TMEM220: variants seen among roughly 807,000 people sequenced by gnomAD.
TMEM220 encodes transmembrane protein 220.
Under a neutral mutation model 21.7 loss-of-function variants are expected in TMEM220, and 21 were observed. The observed-to-expected ratio is 0.97, with a 90% CI of 0.69 to 1.39. TMEM220 has a LOEUF of 1.39. TMEM220 is among the 40% of genes most tolerant of loss of function. The probability of loss-of-function intolerance (pLI) is 0.00; values close to 1 mark genes in which losing one functional copy is unlikely to be tolerated. For synonymous variants in TMEM220, 80 were observed against 73.6 expected, an observed-to-expected ratio of 1.09 and a Z score of -0.45; for missense variants, 191 against 201.9, an observed-to-expected ratio of 0.95 and a Z score of 0.33.
chr17:10,729,893 G>GCGGGGCGGTGAGTCCTGCCACGTA lies in TMEM220; in HGVS notation c.-66_-43dup, dbSNP rs2075107135. ...CGCGGGGCGGTGAGTCCTGCCACGT[G>GCGGGGCGGTGAGTCCTGCCACGTA]CGGGGCGGTGAGTCCTGCCACGTAC... On this transcript the variant is annotated 5_prime_UTR_variant, in exon 1 of 6. Transcript: ENST00000341871. 4.7e-6 allele frequency: 6 copies of GCGGGGCGGTGAGTCCTGCCACGTA among 1,279,802 alleles called. No homozygotes were observed. Among genetic ancestry groups the GCGGGGCGGTGAGTCCTGCCACGTA allele is most frequent in the Non-Finnish European group, 4.0e-6 (4 of 1,011,918 alleles). 79.3% of individuals were successfully genotyped at this position (1,279,802 alleles called of 1,614,324 possible).
rs147707524 is a variant in TMEM220, at chr17:10,723,993, T to C, written c.288-664A>G. Among the ~76,000 whole-genome samples the C allele has an allele frequency of 6.7e-3, 1,015 of 152,308 alleles. 7 individuals carry two copies. The highest frequency in any genetic ancestry group is 0.016 in the South Asian group (78 of 4,820). ...TTCATGCTGGAAGTGATTCAACCCA[T>C]TTGGTCTACATTCTTATCTACAGAC... On this transcript the variant is annotated intron_variant, in intron 4 of 5. Transcript: ENST00000341871.
intron 5 of TMEM220, among the ~76,000 whole-genome samples, chr17:10,720,812 C>A (rs2074979729): frequency 6.6e-6 from 1 of 152,050 alleles, no homozygotes; most frequent in Non-Finnish European, 1.5e-5. Context: ...AACAAGAGAA[C>A]CTGTTTTCAG....
At chr17:10,719,888 G>T (rs934804073) in intron 5 of TMEM220, among the ~76,000 whole-genome samples, 3 of 152,114 alleles carry the variant, frequency 2.0e-5, no homozygotes, top group African/African-American at 7.2e-5. Flanking sequence ...CTTAGAATCA[G>T]GTTAAACCTA....
At chr17:10,711,364 T>C (rs1004893329), downstream of TMEM220, 1 of 518,242 alleles carries the variant, frequency 1.9e-6, no homozygotes, top group Admixed American at 3.3e-5. Context: ...GAGGCAGGGG[T>C]GTATAGTCCT....
chr17:10,715,388 TC>T lies in TMEM220; in HGVS notation c.*64del. 1 of 1,459,010 alleles carries T rather than the reference TC, an allele frequency of 6.9e-7. No individual in the cohort carries two copies. Among genetic ancestry groups the T allele is most frequent in the Non-Finnish European group, 9.3e-7 (1 of 1,077,526 alleles). 90.4% of individuals were successfully genotyped at this position (1,459,010 alleles called of 1,614,324 possible). A position where few individuals can be genotyped will look rare whatever the true frequency, so the allele number is the denominator to read the frequency against. ...TACCTGAAATAAACTCCTGGCTTGT[TC>T]CCCTAATGTTTATAAAAAATTGATT... is the stretch of plus-strand genomic sequence containing the variant. On this transcript the variant is annotated 3_prime_UTR_variant, in exon 6 of 6. Coordinates refer to ENST00000341871, the MANE Select transcript of TMEM220 (RefSeq NM_001004313.3).
chr17:10,714,665 C>G lies in TMEM220; in HGVS notation c.*788G>C, dbSNP rs1207677928. ...GGGCATGGTGGCTCACACCTGTAAT[C>G]CCAGCACTTTGGGAGGCCAAGGTGG... On this transcript the variant is annotated 3_prime_UTR_variant, in exon 6 of 6. Transcript: ENST00000341871. 6.6e-6 allele frequency: 1 copy of G among 152,512 alleles called. No homozygotes were observed. Among genetic ancestry groups the G allele is most frequent in the Non-Finnish European group, 1.5e-5 (1 of 68,326 alleles). The allele number at this position is 152,512 out of a possible 1,614,324, so 9.4% of individuals were successfully genotyped here. A position where few individuals can be genotyped will look rare whatever the true frequency, so the allele number is the denominator to read the frequency against.
At chr17:10,712,421 C>T (rs1325638593), downstream of TMEM220, among the ~76,000 whole-genome samples, 1 of 152,164 alleles carries the variant, frequency 6.6e-6, no homozygotes, top group Non-Finnish European at 1.5e-5. Context: ...TATAAGGTAA[C>T]ATATATCCAG....
chr17:10,725,356 T>C (rs1304140985), intron 3 of TMEM220, among the ~76,000 whole-genome samples: 1 of 152,176 alleles, frequency 6.6e-6, no homozygotes, highest in Admixed American at 6.5e-5. Context: ...CTCCCCTTCC[T>C]AGGATGATTA....
intron 4 of TMEM220, among the ~76,000 whole-genome samples, chr17:10,723,600 C>A (rs1454095932): frequency 1.3e-5 from 2 of 152,168 alleles, no homozygotes; most frequent in African/African-American, 4.8e-5. Context: ...TGGATCCCCC[C>A]AAAATGAAAT....
At chr17:10,723,381 A>T in intron 4 of TMEM220, 52 bp from the exon 5 acceptor site, 1 of 1,355,864 alleles carries the variant, frequency 7.4e-7, no homozygotes, top group Non-Finnish European at 1.1e-6. Context: ...AGTGAGATGC[A>T]TATCATCACA....
At position 10,713,524 on chromosome 17, in the gene TMEM220, A is replaced by G. The variant is rs375093439; in HGVS notation, c.*1929T>C. ...AGTAAACATGACTTGGTCAATGGAT[A>G]GAGCCCACAGGGAATTTGCAAATGA... On this transcript the variant is annotated 3_prime_UTR_variant, in exon 6 of 6. Transcript: ENST00000341871. 4.7e-5 allele frequency: 7 copies of G among 149,314 alleles called. No homozygotes were observed. Among genetic ancestry groups the G allele is most frequent in the East Asian group, 3.9e-4 (2 of 5,112 alleles). 9.2% of individuals were successfully genotyped at this position (149,314 alleles called of 1,614,324 possible).
rs558741525 is a variant in TMEM220 at position 10,726,421 on chromosome 17, C to G, written c.103-157G>C. ...ATGGTGATTGAGAAAGTGGTAGATT[C>G]TCCTTTTGTGGCACTTAGCACGTCT... is the stretch of plus-strand genomic sequence containing the variant. On this transcript the variant is annotated intron_variant, in intron 2 of 5. Coordinates refer to ENST00000341871, the MANE Select transcript of TMEM220 (RefSeq NM_001004313.3). 4 of 660,654 alleles carry G rather than the reference C, an allele frequency of 6.1e-6. No individual in the cohort carries two copies. In the East Asian group the frequency reaches 8.2e-5, roughly 13 times the overall value. The allele number at this position is 660,654 out of a possible 1,614,324, so 40.9% of individuals were successfully genotyped here.
intron 5 of TMEM220, among the ~76,000 whole-genome samples, chr17:10,718,604 G>C (rs1189835028): frequency 6.6e-6 from 1 of 151,746 alleles, no homozygotes; most frequent in Non-Finnish European, 1.5e-5. Context: ...ATGATTTTTA[G>C]CTGCATCTCA....
chr17:10,713,104 C>G (rs1024725849), downstream of TMEM220, among the ~76,000 whole-genome samples: 3 of 151,894 alleles, frequency 2.0e-5, no homozygotes, highest in African/African-American at 7.3e-5. Context: ...AACCCCGTCT[C>G]TACTAAAAAT....
rs1472054653 is a variant in TMEM220, at chr17:10,715,236, A to G, written c.*217T>C. The G allele has an allele frequency of 1.7e-5, 7 of 421,540 alleles. No homozygotes were observed. Among genetic ancestry groups the G allele is most frequent in the African/African-American group, 1.5e-4 (7 of 47,522 alleles). 26.1% of individuals were successfully genotyped at this position (421,540 alleles called of 1,614,324 possible). The stretch of plus-strand genomic sequence containing the variant: ...CTCTAGCCTTTTCCACTACATTATG[A>G]CACAAGACCCTGCAGAAAGTCGTCT... On this transcript the variant is annotated 3_prime_UTR_variant, in exon 6 of 6. Transcript: ENST00000341871.
rs5819281 is a variant in TMEM220, at chr17:10,714,919, T to TAAAA, written c.*530_*533dup. On this transcript the variant is annotated 3_prime_UTR_variant, in exon 6 of 6. Coordinates refer to ENST00000341871, the MANE Select transcript of TMEM220 (RefSeq NM_001004313.3). Reference sequence around the variant, plus strand: ...CCTGGGCAATAGAGTGGGACTGTCTTAAAAAAAAAAAAAGATCGGGGTATA... The same window carrying TAAAA: ...CCTGGGCAATAGAGTGGGACTGTCTTAAAAAAAAAAAAAAAAAGATCGGGGTATA... 9 of 147,744 alleles carry TAAAA rather than the reference T, an allele frequency of 6.1e-5. No individual in the cohort carries two copies. The highest frequency in any genetic ancestry group is 4.0e-4 in the East Asian group (2 of 5,024). The allele number at this position is 147,744 out of a possible 1,614,324, so 9.2% of individuals were successfully genotyped here. A position where few individuals can be genotyped will look rare whatever the true frequency, so the allele number is the denominator to read the frequency against.
rs536052969 is a variant in TMEM220, at chr17:10,729,777, G to A, written c.72+3C>T. The A allele has an allele frequency of 2.8e-5, 40 of 1,409,146 alleles. No homozygotes were observed. The East Asian group carries it at 5.9e-4, about 21-fold the overall frequency. The allele number at this position is 1,409,146 out of a possible 1,614,324, so 87.3% of individuals were successfully genotyped here. A position where few individuals can be genotyped will look rare whatever the true frequency, so the allele number is the denominator to read the frequency against. The stretch of plus-strand genomic sequence containing the variant: ...GGTCCCCCTCCCACCGCGGCCGCCT[G>A]ACCTGCACCAAGGCCGCCAGCGCGA... On this transcript the variant is annotated splice_donor_region_variant and intron_variant, in intron 1 of 5. Transcript: ENST00000341871.
intron 5 of TMEM220, among the ~76,000 whole-genome samples, chr17:10,716,663 T>A (rs531636720): frequency 6.6e-6 from 1 of 152,310 alleles, no homozygotes; most frequent in African/African-American, 2.4e-5. Flanking sequence ...GTTGTTTCAC[T>A]TTTTTCCAAA....
At chr17:10,716,559 C>T in intron 5 of TMEM220, 2 of 582,260 alleles carry the variant, frequency 3.4e-6, no homozygotes, top group Non-Finnish European at 6.8e-6. Context: ...GAAAGCTGCA[C>T]CACCGCGGTC....
Sources: allele counts gnomAD v4.1 joint callset (sites outside exome capture counted in the v4.1 genomes callset), GRCh38; gene constraint gnomAD v4.1.1; transcripts MANE v1.5; gene names NCBI Gene and HGNC (gene_info 2026-07-23, HGNC 2026-07-21).